The following MAPK4 variants were observed in gnomAD, a reference collection of about 807,000 sequenced individuals.
The protein encoded by MAPK4 is mitogen-activated protein kinase 4, also known as Erk3-related.
A neutral mutation model predicts 47.7 loss-of-function variants in MAPK4; 22 were observed. The observed-to-expected ratio is 0.46, with a 90% CI of 0.33 to 0.66. MAPK4 has a LOEUF of 0.66. Ranked by LOEUF, MAPK4 falls within the 30% of genes least tolerant of loss-of-function variation. MAPK4 has a pLI of 0.02. For missense variants in MAPK4, 736 were observed against 831.7 expected, an observed-to-expected ratio of 0.88 and a Z score of 1.42; for synonymous variants, 390 against 365.7, an observed-to-expected ratio of 1.07 and a Z score of -0.76.
At chr18:50,564,671 A>C (rs139528295) in intron 1 of MAPK4, among the ~76,000 whole-genome samples, 4 of 152,346 alleles carry the variant, frequency 2.6e-5, no homozygotes, top group East Asian at 3.9e-4. Context: ...CAGACCTGAT[A>C]TCCTAATCTG....
At chr18:50,700,448 G>C (rs1162825067) in intron 2 of MAPK4, among the ~76,000 whole-genome samples, 2 of 152,334 alleles carry the variant, frequency 1.3e-5, no homozygotes, top group Non-Finnish European at 1.5e-5. Flanking sequence ...AGCTACAGGT[G>C]CACACATCAA....
Position 50,643,720 on chromosome 18 carries a change from C to A in MAPK4, c.-870-19369C>A, listed in dbSNP as rs555662701. ...GAGGCTTCAGTAGTTTCATGCAAGC[C>A]TCAAGTAATCCCATGGTTTTAGCCC... On this transcript the variant is annotated intron_variant, in intron 1 of 5. Transcript: ENST00000400384. Among the ~76,000 whole-genome samples, 3 of 152,242 alleles carry A rather than the reference C, an allele frequency of 2.0e-5. No individual in the cohort carries two copies. The South Asian group carries it at 6.2e-4, about 32-fold the overall frequency.
chr18:50,647,267 G>A (rs1185786451), intron 1 of MAPK4, among the ~76,000 whole-genome samples: 1 of 152,206 alleles, frequency 6.6e-6, no homozygotes, highest in Non-Finnish European at 1.5e-5. Flanking sequence ...AGAAGAATCA[G>A]GCAAAATGAT....
At chr18:50,719,874 G>A (rs1201326481) in intron 3 of MAPK4, among the ~76,000 whole-genome samples, 3 of 152,168 alleles carry the variant, frequency 2.0e-5, no homozygotes, top group East Asian at 1.9e-4. Context: ...AGTGTCCAAC[G>A]AAGAAAGGTA....
chr18:50,679,987 C>T (rs1009677382), intron 2 of MAPK4, among the ~76,000 whole-genome samples: 2 of 152,028 alleles, frequency 1.3e-5, no homozygotes, highest in Non-Finnish European at 2.9e-5. Context: ...AGGGACCCAG[C>T]GCTCGCCGCC....
intron 2 of MAPK4, 81 bp from the exon 3 acceptor site, chr18:50,714,998 G>A: frequency 7.1e-7 from 1 of 1,416,630 alleles, no homozygotes; most frequent in Non-Finnish European, 9.8e-7. Context: ...TCTGTTTCAT[G>A]GGAGGGGAAA....
chr18:50,689,546 C>T (rs1909095694), intron 2 of MAPK4, among the ~76,000 whole-genome samples: 1 of 151,826 alleles, frequency 6.6e-6, no homozygotes, highest in South Asian at 2.1e-4. Context: ...ACAGGATGTT[C>T]AAGTTAACAA....
chr18:50,599,644 C>A (rs4939991), intron 1 of MAPK4, among the ~76,000 whole-genome samples: 60,178 of 151,976 alleles, frequency 0.4, 12,800 homozygotes, highest in Middle Eastern at 0.49. Context: ...GTCTTGAACT[C>A]CTGGGCTCAA....
intron 1 of MAPK4, among the ~76,000 whole-genome samples, chr18:50,610,081 T>C (rs1179431291): frequency 6.6e-6 from 1 of 152,220 alleles, no homozygotes; most frequent in Non-Finnish European, 1.5e-5. Context: ...CTCCCTTCTG[T>C]ACCAACCAGG....
chr18:50,618,067 T>C (rs989762450), intron 1 of MAPK4, among the ~76,000 whole-genome samples: 1 of 152,212 alleles, frequency 6.6e-6, no homozygotes, highest in Non-Finnish European at 1.5e-5. Flanking sequence ...ATATCTATCA[T>C]ATGTGTATGT....
intron 1 of MAPK4, among the ~76,000 whole-genome samples, chr18:50,630,292 G>A (rs1438649853): frequency 6.6e-6 from 1 of 152,156 alleles, no homozygotes; most frequent in Non-Finnish European, 1.5e-5. Flanking sequence ...AGGTTCAAGC[G>A]ATTCTCATGC....
At chr18:50,560,077 G>GGCGGGA (rs1210338380), upstream of MAPK4, 3 of 148,388 alleles carry the variant, frequency 2.0e-5, no homozygotes, top group Non-Finnish European at 4.5e-5. Context: ...CCGGGGCCGG[G>GGCGGGA]GCGGGAGCCG....
intron 2 of MAPK4, among the ~76,000 whole-genome samples, chr18:50,665,063 TC>T (rs1907520063): frequency 6.6e-6 from 1 of 152,222 alleles, no homozygotes; most frequent in South Asian, 2.1e-4. Flanking sequence ...GACTCTGTTC[TC>T]CTGGGTCCCG....
intron 2 of MAPK4, among the ~76,000 whole-genome samples, chr18:50,686,936 C>A (rs1056857025): frequency 6.6e-6 from 1 of 152,310 alleles, no homozygotes; most frequent in South Asian, 2.1e-4. Flanking sequence ...CAGATGGAGA[C>A]GGCCAAGGAT....
intron 1 of MAPK4, among the ~76,000 whole-genome samples, chr18:50,641,264 T>C (rs1000027746): frequency 6.6e-6 from 1 of 152,202 alleles, no homozygotes; most frequent in African/African-American, 2.4e-5. Flanking sequence ...AGCCTGTCAC[T>C]AAATCCTGAT....
intron 2 of MAPK4, among the ~76,000 whole-genome samples, chr18:50,712,127 C>T (rs1910399511): frequency 6.6e-6 from 1 of 152,200 alleles, no homozygotes; most frequent in Non-Finnish European, 1.5e-5. Context: ...TGAAACATAT[C>T]AACAAATCCC....
At chr18:50,603,420 A>T in intron 1 of MAPK4, among the ~76,000 whole-genome samples, 1 of 152,066 alleles carries the variant, frequency 6.6e-6, no homozygotes, top group Non-Finnish European at 1.5e-5. Flanking sequence ...TGTCATGCCA[A>T]TTTCCTGCGT....
intron 1 of MAPK4, among the ~76,000 whole-genome samples, chr18:50,600,894 C>T (rs2042530015): frequency 1.3e-5 from 2 of 151,334 alleles, no homozygotes; most frequent in African/African-American, 4.9e-5. Flanking sequence ...GGTTTTTATT[C>T]CTGTTCATTC....
intron 1 of MAPK4, among the ~76,000 whole-genome samples, chr18:50,640,841 C>T (rs2042935117): frequency 6.6e-6 from 1 of 152,102 alleles, no homozygotes; most frequent in Non-Finnish European, 1.5e-5. Context: ...CACACTGATG[C>T]ATTAGTGCCT....
Sources: gnomAD v4.1 joint callset for allele counts (sites outside exome capture counted in the v4.1 genomes callset) on GRCh38, gnomAD v4.1.1 for gene constraint, MANE v1.5 for transcripts, NCBI Gene and HGNC (gene_info 2026-07-23, HGNC 2026-07-21) for gene names.